BAIAP2L1: variants seen among roughly 807,000 people sequenced by gnomAD.
BAIAP2L1 encodes the protein BAR/IMD domain-containing adapter protein 2-like 1.
In BAIAP2L1, 35 loss-of-function variants were observed where a neutral mutation model predicts 66.3. That is an observed-to-expected ratio of 0.53 (90% CI 0.40 to 0.70). BAIAP2L1 has a LOEUF of 0.70. Among genes scored for constraint, BAIAP2L1 ranks in the 30% least tolerant of loss-of-function variants. BAIAP2L1 has a pLI of 0.00. For missense variants in BAIAP2L1, 622 were observed against 656.9 expected, an observed-to-expected ratio of 0.95 and a Z score of 0.58; for synonymous variants, 269 against 248.7, an observed-to-expected ratio of 1.08 and a Z score of -0.77.
intron 1 of BAIAP2L1, among the ~76,000 whole-genome samples, chr7:98,387,669 G>C (rs1039326430): frequency 6.6e-6 from 1 of 151,478 alleles, no homozygotes; most frequent in Non-Finnish European, 1.5e-5. Flanking sequence ...AGACCAGCCT[G>C]GCCAACAAAG....
intron 3 of BAIAP2L1, among the ~76,000 whole-genome samples, chr7:98,336,429 C>A (rs1716474541): frequency 6.6e-6 from 1 of 152,148 alleles, no homozygotes; most frequent in African/African-American, 2.4e-5. Flanking sequence ...GCCTGGCCAA[C>A]ATGGTGAAAA....
intron 12 of BAIAP2L1, among the ~76,000 whole-genome samples, chr7:98,298,627 A>G (rs1800290081): frequency 6.6e-6 from 1 of 152,034 alleles, no homozygotes; most frequent in Admixed American, 6.6e-5. Context: ...CAAAACAAAA[A>G]AAACATGAGG....
At chr7:98,302,581 G>C (rs992851458) in intron 12 of BAIAP2L1, among the ~76,000 whole-genome samples, 2 of 151,950 alleles carry the variant, frequency 1.3e-5, no homozygotes, top group African/African-American at 4.8e-5. Context: ...AAATACAGGA[G>C]ACACGGGGGA....
chr7:98,367,534 C>CTTTTTTTT (rs1380227043), intron 1 of BAIAP2L1, among the ~76,000 whole-genome samples: 8 of 114,524 alleles, frequency 7.0e-5, no homozygotes, highest in South Asian at 2.8e-4. Context: ...CCACACCTGG[C>CTTTTTTTT]TTTTTTTTTT....
Position 98,292,642 on chromosome 7 carries a change from C to T in BAIAP2L1, c.*879G>A, listed in dbSNP as rs1351153478. 7 of 1,551,556 alleles carry T rather than the reference C, an allele frequency of 4.5e-6. No homozygotes were observed. The highest frequency in any genetic ancestry group is 2.4e-5 in the East Asian group (1 of 40,942). On this transcript the variant is annotated 3_prime_UTR_variant, in exon 14 of 14. Transcript: ENST00000005260. ...TGAAAAACCCGCCCTTCTCCAGGCA[C>T]CAGAGGTCATCCTGGCTTTACACGT...
At chr7:98,393,443 T>C (rs1430936338) in intron 1 of BAIAP2L1, among the ~76,000 whole-genome samples, 4 of 152,106 alleles carry the variant, frequency 2.6e-5, no homozygotes, top group Non-Finnish European at 5.9e-5. Flanking sequence ...CTGCATTTTC[T>C]TGTTAATTAA....
intron 1 of BAIAP2L1, among the ~76,000 whole-genome samples, chr7:98,377,197 A>G (rs1024684473): frequency 4.1e-4 from 63 of 152,162 alleles, no homozygotes; most frequent in African/African-American, 1.4e-3. Context: ...ATGTAAAGAG[A>G]CTGCATTTTA....
intron 1 of BAIAP2L1, among the ~76,000 whole-genome samples, chr7:98,384,339 C>T (rs1802834661): frequency 2.0e-5 from 3 of 151,996 alleles, no homozygotes. Flanking sequence ...GTATTAAGGA[C>T]CAGTAACTGA....
At chr7:98,340,947 C>A (rs1370601123) in intron 3 of BAIAP2L1, among the ~76,000 whole-genome samples, 3 of 140,526 alleles carry the variant, frequency 2.1e-5, no homozygotes, top group Non-Finnish European at 4.5e-5. Context: ...TGCCACCAGG[C>A]CCAGCTAATT....
intron 3 of BAIAP2L1, among the ~76,000 whole-genome samples, chr7:98,341,498 C>T (rs1460766225): frequency 6.6e-6 from 1 of 152,004 alleles, no homozygotes; most frequent in East Asian, 1.9e-4. Flanking sequence ...GCCTGGGCAA[C>T]ACAGAAAGAC....
chr7:98,367,340 T>A (rs1003243847), intron 1 of BAIAP2L1, among the ~76,000 whole-genome samples: 10 of 152,098 alleles, frequency 6.6e-5, no homozygotes, highest in African/African-American at 2.2e-4. Flanking sequence ...CCACTTTTTG[T>A]ATCACTCATT....
intron 1 of BAIAP2L1, among the ~76,000 whole-genome samples, chr7:98,364,769 G>A (rs1201151054): frequency 1.3e-5 from 2 of 151,750 alleles, no homozygotes; most frequent in Non-Finnish European, 2.9e-5. Flanking sequence ...ATCACCACTT[G>A]AGCCCAGGAG....
Position 98,304,120 on chromosome 7 carries a change from T to C in BAIAP2L1, c.1422+76A>G, listed in dbSNP as rs1800536207. 5 of 1,424,512 alleles carry C rather than the reference T, an allele frequency of 3.5e-6. No individual in the cohort carries two copies. In the Admixed American group the frequency reaches 1.1e-4, roughly 33 times the overall value. 88.2% of individuals were successfully genotyped at this position (1,424,512 alleles called of 1,614,324 possible). The stretch of plus-strand genomic sequence containing the variant: ...CTGGGGACAGAGCAGAGCAAGGCGG[T>C]CACCACAGGACCTGCGCCTCCCAGT... On this transcript the variant is annotated intron_variant, in intron 12 of 13. Transcript: ENST00000005260.
At chr7:98,330,159 G>GA (rs1202047824) in intron 3 of BAIAP2L1, among the ~76,000 whole-genome samples, 3 of 151,726 alleles carry the variant, frequency 2.0e-5, no homozygotes, top group Non-Finnish European at 2.9e-5. Flanking sequence ...GGCATGCTAA[G>GA]AAAAAAAACC....
intron 2 of BAIAP2L1, among the ~76,000 whole-genome samples, chr7:98,358,973 G>A (rs1584483525): frequency 6.6e-6 from 1 of 152,134 alleles, no homozygotes; most frequent in East Asian, 1.9e-4. Flanking sequence ...CTTGAGAGGT[G>A]CTGGGCACTG....
At chr7:98,351,890 C>A (rs570510350) in intron 3 of BAIAP2L1, among the ~76,000 whole-genome samples, 1 of 152,148 alleles carries the variant, frequency 6.6e-6, no homozygotes, top group East Asian at 1.9e-4. Flanking sequence ...CAGAGGCCGA[C>A]CCTCGAGGCG....
Position 98,315,379 on chromosome 7 carries a change from G to A in BAIAP2L1, c.639+81C>T, listed in dbSNP as rs1801036528. On this transcript the variant is annotated intron_variant, in intron 7 of 13. Transcript: ENST00000005260. ...CCAAAGTGCTGGGATTACAGGCGTG[G>A]GCCACGGCCCAGCCTTCTGGGGCAT... The A allele has an allele frequency of 2.4e-6, 3 of 1,272,930 alleles. No individual in the cohort carries two copies. In the Admixed American group the frequency reaches 9.2e-5, roughly 39 times the overall value. The allele number at this position is 1,272,930 out of a possible 1,614,324, so 78.9% of individuals were successfully genotyped here.
chr7:98,306,553 T>C (rs1800664744), intron 10 of BAIAP2L1, 37 bp from the exon 11 acceptor site: 1 of 1,613,860 alleles, frequency 6.2e-7, no homozygotes, highest in Non-Finnish European at 8.5e-7. Flanking sequence ...CTATCAGCAG[T>C]AGACATGTGG....
intron 5 of BAIAP2L1, among the ~76,000 whole-genome samples, chr7:98,319,469 G>C (rs1056841627): frequency 6.6e-6 from 1 of 152,040 alleles, no homozygotes; most frequent in African/African-American, 2.4e-5. Context: ...AAGCACAAAT[G>C]TCCTACAGCG....
Sources: allele counts gnomAD v4.1 joint callset (sites outside exome capture counted in the v4.1 genomes callset), GRCh38; gene constraint gnomAD v4.1.1; transcripts MANE v1.5; gene names NCBI Gene and HGNC (gene_info 2026-07-23, HGNC 2026-07-21).